Variants in DPP10 observed in about 807,000 individuals in gnomAD.
The protein encoded by DPP10 is dipeptidyl peptidase like 10.
In DPP10, 33 loss-of-function variants were observed where a neutral mutation model predicts 120.9. The observed-to-expected ratio is 0.27, with a 90% CI of 0.21 to 0.37. The LOEUF (loss-of-function observed/expected upper bound fraction) is 0.37, where lower values mean the gene tolerates loss of function less well. Among genes scored for constraint, DPP10 ranks in the 10% least tolerant of loss-of-function variants. DPP10 has a pLI of 1.00. For synonymous variants in DPP10, 337 were observed against 326.1 expected (o/e 1.03, Z -0.36); for missense variants, 816 against 942.8 (o/e 0.87, Z 1.76).
intron 1 of DPP10, among the ~76,000 whole-genome samples, chr2:114,549,810 G>A (rs1338234575): frequency 6.6e-6 from 1 of 152,060 alleles, no homozygotes; most frequent in Non-Finnish European, 1.5e-5. Flanking sequence ...CACCATAAAG[G>A]CAGCCCCAAA....
chr2:115,771,688 C>T (rs1221939551), intron 13 of DPP10, among the ~76,000 whole-genome samples: 1 of 152,046 alleles, frequency 6.6e-6, no homozygotes, highest in East Asian at 1.9e-4. Context: ...CATGATTCTA[C>T]TTAAAGTTGT....
At chr2:115,087,249 T>G (rs1203353843) in intron 1 of DPP10, among the ~76,000 whole-genome samples, 1 of 152,180 alleles carries the variant, frequency 6.6e-6, no homozygotes, top group African/African-American at 2.4e-5. Context: ...AAAAGAGTAG[T>G]GTGGCAATGG....
At chr2:115,535,544 T>C (rs980940991) in intron 5 of DPP10, among the ~76,000 whole-genome samples, 14 of 150,958 alleles carry the variant, frequency 9.3e-5, no homozygotes, top group Admixed American at 2.6e-4. Flanking sequence ...AGTCAGGTAG[T>C]GTGATGCCTC....
intron 21 of DPP10, 97 bp from the exon 22 acceptor site, chr2:115,836,060 C>A: frequency 1.6e-6 from 1 of 619,600 alleles, no homozygotes; most frequent in Non-Finnish European, 2.4e-6. Context: ...CTAAAAATGT[C>A]TCCAGGCATA....
Position 115,844,275 on chromosome 2 carries a change from A to G in DPP10, c.*1930A>G, listed in dbSNP as rs931161440. The G allele has an allele frequency of 3.9e-5, 6 of 152,598 alleles. No individual in the cohort carries two copies. Among genetic ancestry groups the G allele is most frequent in the Non-Finnish European group, 7.4e-5 (5 of 68,012 alleles). The allele number at this position is 152,598 out of a possible 1,614,324, so 9.5% of individuals were successfully genotyped here. On this transcript the variant is annotated 3_prime_UTR_variant, in exon 26 of 26. Transcript: ENST00000410059. Reference sequence around the variant, plus strand: ...ATTTGAACCACTAGAGTTTTTTATGATGCAAATGATTATGTTGTCTGAAAG... The same window carrying G: ...ATTTGAACCACTAGAGTTTTTTATGGTGCAAATGATTATGTTGTCTGAAAG...
intron 1 of DPP10, among the ~76,000 whole-genome samples, chr2:114,514,303 G>A (rs1684414422): frequency 2.0e-5 from 3 of 152,194 alleles, no homozygotes; most frequent in Admixed American, 6.5e-5. Context: ...ATTTTATAGA[G>A]AAGGAAACTG....
intron 1 of DPP10, among the ~76,000 whole-genome samples, chr2:115,175,721 A>G (rs1298777543): frequency 6.6e-6 from 1 of 152,250 alleles, no homozygotes; most frequent in African/African-American, 2.4e-5. Flanking sequence ...GTTTTCCAAT[A>G]TGATAACCAC....
intron 1 of DPP10, among the ~76,000 whole-genome samples, chr2:115,262,706 C>A (rs2059304926): frequency 6.6e-6 from 1 of 152,232 alleles, no homozygotes; most frequent in East Asian, 1.9e-4. Flanking sequence ...AAATTGCATG[C>A]TTAGAAATTT....
Position 114,788,551 on chromosome 2 carries a change from G to A in DPP10, c.60+345713G>A, listed in dbSNP as rs555145413. On this transcript the variant is annotated intron_variant, in intron 1 of 25. Coordinates refer to ENST00000410059, the MANE Select transcript of DPP10 (RefSeq NM_020868.6). Reference sequence around the variant, plus strand: ...CTGCCTCAGCCTCCCGAGTAGCTGGGACTACAGGCGCCCACCACCACGCCC... The same window carrying A: ...CTGCCTCAGCCTCCCGAGTAGCTGGAACTACAGGCGCCCACCACCACGCCC... 8.4e-4 allele frequency among the ~76,000 whole-genome samples: 127 copies of A among 152,076 alleles called. No homozygotes were observed. In the South Asian group the frequency reaches 0.025, roughly 30 times the overall value.
intron 1 of DPP10, among the ~76,000 whole-genome samples, chr2:115,284,371 C>A (rs934590205): frequency 3.3e-5 from 5 of 151,938 alleles, no homozygotes; most frequent in African/African-American, 1.2e-4. Flanking sequence ...ATAAATAATG[C>A]ATTATCTTTC....
intron 2 of DPP10, among the ~76,000 whole-genome samples, chr2:115,314,219 A>G (rs984101083): frequency 6.6e-6 from 1 of 152,210 alleles, no homozygotes; most frequent in Non-Finnish European, 1.5e-5. Context: ...TCCATCTGCC[A>G]TACTGAAATA....
At chr2:114,778,191 T>C (rs1160604595) in intron 1 of DPP10, among the ~76,000 whole-genome samples, 1 of 152,086 alleles carries the variant, frequency 6.6e-6, no homozygotes, top group African/African-American at 2.4e-5. Context: ...CTTTAAGCAA[T>C]ATTAAGGGAT....
chr2:115,041,231 G>A (rs376577013), intron 1 of DPP10, among the ~76,000 whole-genome samples: 94 of 152,098 alleles, frequency 6.2e-4, no homozygotes, highest in African/African-American at 2.0e-3. Context: ...ACCCAGTCTC[G>A]GGTATGTCTT....
At chr2:115,632,512 A>G (rs564159034) in intron 5 of DPP10, among the ~76,000 whole-genome samples, 1 of 152,164 alleles carries the variant, frequency 6.6e-6, no homozygotes, top group South Asian at 2.1e-4. Context: ...CCCTTCCTAC[A>G]ATAGCTCTTA....
intron 5 of DPP10, among the ~76,000 whole-genome samples, chr2:115,676,162 C>A (rs1244046114): frequency 6.6e-6 from 1 of 152,162 alleles, no homozygotes; most frequent in Non-Finnish European, 1.5e-5. Context: ...TGTGCATTTA[C>A]TTGAAGGGTC....
At chr2:114,474,830 T>G (rs1300702433) in intron 1 of DPP10, among the ~76,000 whole-genome samples, 6 of 152,116 alleles carry the variant, frequency 3.9e-5, no homozygotes. Flanking sequence ...CTATGAAACT[T>G]TTGAAAGTCA....
intron 1 of DPP10, among the ~76,000 whole-genome samples, chr2:115,094,747 A>G (rs1157575932): frequency 6.6e-6 from 1 of 152,212 alleles, no homozygotes; most frequent in Non-Finnish European, 1.5e-5. Flanking sequence ...AGTGGCAAGC[A>G]TAACATTAAA....
At chr2:115,419,002 A>T (rs917130059) in intron 3 of DPP10, among the ~76,000 whole-genome samples, 1 of 152,140 alleles carries the variant, frequency 6.6e-6, no homozygotes, top group Non-Finnish European at 1.5e-5. Flanking sequence ...TCTACAAACA[A>T]TATGAAGGGT....
At chr2:115,782,122 G>A (rs545352635) in intron 16 of DPP10, among the ~76,000 whole-genome samples, 1 of 152,042 alleles carries the variant, frequency 6.6e-6, no homozygotes, top group Admixed American at 6.6e-5. Context: ...TTTGGGGGAA[G>A]AGAGAATCTT....
Sources: allele counts gnomAD v4.1 joint callset (sites outside exome capture counted in the v4.1 genomes callset), GRCh38; gene constraint gnomAD v4.1.1; transcripts MANE v1.5; gene names NCBI Gene and HGNC (gene_info 2026-07-23, HGNC 2026-07-21).